The following ZBTB8B variants were observed in gnomAD, a reference collection of about 807,000 sequenced individuals.
ZBTB8B encodes the protein zinc finger and BTB domain-containing protein 8B.
A neutral mutation model predicts 30.3 loss-of-function variants in ZBTB8B; 17 were observed. That is an observed-to-expected ratio of 0.56 (90% CI 0.38 to 0.84). The LOEUF is 0.84. ZBTB8B is among the 40% of genes least tolerant of loss of function. ZBTB8B has a pLI of 0.00. For synonymous variants in ZBTB8B, 248 were observed against 255.6 expected, an observed-to-expected ratio of 0.97 and a Z score of 0.28; for missense variants, 515 against 644.9, an observed-to-expected ratio of 0.80 and a Z score of 2.18.
chr1:32,467,394 G>A (rs1311580414), intron 1 of ZBTB8B, among the ~76,000 whole-genome samples: 2 of 151,882 alleles, frequency 1.3e-5, no homozygotes, highest in Non-Finnish European at 2.9e-5. Flanking sequence ...TGGGATTACA[G>A]GTGCCCGCCA....
At chr1:32,476,480 C>T (rs1341020491) in intron 2 of ZBTB8B, among the ~76,000 whole-genome samples, 1 of 152,128 alleles carries the variant, frequency 6.6e-6, no homozygotes, top group Non-Finnish European at 1.5e-5. Context: ...ACTGCCTTAG[C>T]TCCTGTCATC....
chr1:32,475,218 G>A (rs527681157), intron 2 of ZBTB8B, among the ~76,000 whole-genome samples: 4 of 152,350 alleles, frequency 2.6e-5, no homozygotes, highest in Admixed American at 2.6e-4. Context: ...TACCTTTTGT[G>A]TGAAGGCATA....
intron 1 of ZBTB8B, among the ~76,000 whole-genome samples, chr1:32,466,555 G>T (rs1643571969): frequency 6.6e-6 from 1 of 152,054 alleles, no homozygotes; most frequent in Admixed American, 6.6e-5. Flanking sequence ...GCAAATGGGG[G>T]TGATATAAAT....
chr1:32,491,632 T>C lies in ZBTB8B; in HGVS notation c.*6214T>C, dbSNP rs190168715. 1.3e-5 allele frequency: 2 copies of C among 152,364 alleles called. No individual in the cohort carries two copies. The highest frequency in any genetic ancestry group is 4.8e-5 in the African/African-American group (2 of 41,572). 9.4% of individuals were successfully genotyped at this position (152,364 alleles called of 1,614,324 possible). A position where few individuals can be genotyped will look rare whatever the true frequency, so the allele number is the denominator to read the frequency against. ...CTTGTCCCACAGGAACAAGTATCTC[T>C]TATAACAGCTTCATAGACATGGCCT... On this transcript the variant is annotated 3_prime_UTR_variant, in exon 4 of 4. Coordinates refer to ENST00000609129, the MANE Select transcript of ZBTB8B (RefSeq NM_001145720.2).
chr1:32,488,918 T>C lies in ZBTB8B; in HGVS notation c.*3500T>C, dbSNP rs1004348946. 42 of 152,338 alleles carry C rather than the reference T, an allele frequency of 2.8e-4. No individual in the cohort carries two copies. Among genetic ancestry groups the C allele is most frequent in the Admixed American group, 2.5e-3 (38 of 15,290 alleles). 9.4% of individuals were successfully genotyped at this position (152,338 alleles called of 1,614,324 possible). ...TTCAAGAGATTCTTCTGTCTCAGCC[T>C]CTTGAGTAGTTGGGATTATAGGCAC... On this transcript the variant is annotated 3_prime_UTR_variant, in exon 4 of 4. Coordinates refer to ENST00000609129, the MANE Select transcript of ZBTB8B (RefSeq NM_001145720.2).
rs1297038679 is a variant in ZBTB8B at position 32,465,546 on chromosome 1, G to A, written c.-42+441G>A. ...GGTTCTGGTGGCCTCTCTGCAGGTC[G>A]TCTGATGCTGGACGGGGGAGGGTCT... is the stretch of plus-strand genomic sequence containing the variant. On this transcript the variant is annotated intron_variant, in intron 1 of 3. Coordinates refer to ENST00000609129, the MANE Select transcript of ZBTB8B (RefSeq NM_001145720.2). This position sits in a 1 kb window ranked among gnomAD's most constrained non-coding sequence, Gnocchi z 4.1. Among the ~76,000 whole-genome samples, 3 of 152,248 alleles carry A rather than the reference G, an allele frequency of 2.0e-5. No individual in the cohort carries two copies. Among genetic ancestry groups the A allele is most frequent in the African/African-American group, 4.8e-5 (2 of 41,474 alleles).
intron 1 of ZBTB8B, among the ~76,000 whole-genome samples, chr1:32,468,930 T>C (rs1164548593): frequency 4.0e-5 from 6 of 151,644 alleles, no homozygotes; most frequent in Non-Finnish European, 8.8e-5. Flanking sequence ...TGGCTTATGC[T>C]TGTAATCTCA....
chr1:32,478,839 T>G (rs950499946), intron 2 of ZBTB8B, among the ~76,000 whole-genome samples: 2 of 150,974 alleles, frequency 1.3e-5, no homozygotes, highest in African/African-American at 4.8e-5. Context: ...GAGAAAAGAG[T>G]TACTCCAGTG....
Position 32,481,029 on chromosome 1 carries a change from G to C in ZBTB8B, c.1130G>C (p.Arg377Thr). 6.4e-7 allele frequency: 1 copy of C among 1,552,062 alleles called. No homozygotes were observed. The highest frequency in any genetic ancestry group is 8.7e-7 in the Non-Finnish European group (1 of 1,147,116). The change falls in exon 3 of 4, where the codon AGG (arginine) becomes ACG (threonine). Residue 377 changes from arginine to threonine, a missense_variant. Coordinates refer to ENST00000609129, the MANE Select transcript of ZBTB8B (RefSeq NM_001145720.2). ...TACCCCTGTGAGACCTGCGGCAAGA[G>C]GTTCACTCGACAAGAGCACCTGCGG... ...RPYPCETCGK[R>T]FTRQEHLRSH...
chr1:32,474,068 C>T (rs947539993), intron 2 of ZBTB8B, among the ~76,000 whole-genome samples: 2 of 151,764 alleles, frequency 1.3e-5, no homozygotes, highest in Non-Finnish European at 2.9e-5. Context: ...CCAGGCTGGA[C>T]TCGAACTACT....
chr1:32,470,970 A>G lies in ZBTB8B; in HGVS notation c.346A>G (p.Thr116Ala). 1.3e-6 allele frequency: 2 copies of G among 1,552,288 alleles called. No homozygotes were observed. The highest frequency in any genetic ancestry group is 1.7e-6 in the Non-Finnish European group (2 of 1,147,126). ...GAATGACGTGGTGAACTTCTGCAAG[A>G]CATACATTAGGTCATCCCTCGACAT... is the stretch of plus-strand genomic sequence containing the variant. ...QMNDVVNFCK[T>A]YIRSSLDICR... is the part of the protein sequence containing the mutation. The change falls in exon 2 of 4, where the codon ACA (threonine) becomes GCA (alanine). Residue 116 changes from threonine to alanine, a missense_variant. By Grantham distance (58) the Thr-to-Ala change is moderately conservative. Coordinates refer to ENST00000609129, the MANE Select transcript of ZBTB8B (RefSeq NM_001145720.2).
chr1:32,471,511 C>A lies in ZBTB8B; in HGVS notation c.887C>A (p.Ala296Glu), dbSNP rs1409178045. 2.6e-6 allele frequency: 4 copies of A among 1,551,822 alleles called. No individual in the cohort carries two copies. The East Asian group carries it at 9.8e-5, about 38-fold the overall frequency. ...AGCGCTGCCCCGAGCAAGGATGATG[C>A]AGACCATCACTTTTCTAGGAGTTTG... Reference protein sequence around the residue: ...RNSAAPSKDDADHHFSRSLEG... With the variant: ...RNSAAPSKDDEDHHFSRSLEG... Residue 296 changes from alanine to glutamate, a missense_variant, in exon 2 of 4, where the codon GCA becomes GAA. Ala to Glu is a moderately radical substitution (Grantham distance 107). Around this residue, in one of 3 missense-constraint regions of ZBTB8B, gnomAD observed 429 missense variants for 504.3 expected, o/e 0.85. Coordinates refer to ENST00000609129, the MANE Select transcript of ZBTB8B (RefSeq NM_001145720.2).
At chr1:32,483,242 TC>T (rs1643719834) in intron 3 of ZBTB8B, among the ~76,000 whole-genome samples, 1 of 33,102 alleles carries the variant, frequency 3.0e-5, no homozygotes, top group African/African-American at 1.3e-4. Context: ...CTACTAAAAA[TC>T]CAAAAAAAAA....
chr1:32,483,931 A>C (rs1325755528), intron 3 of ZBTB8B, among the ~76,000 whole-genome samples: 2 of 151,800 alleles, frequency 1.3e-5, no homozygotes, highest in Admixed American at 6.6e-5. Context: ...CTGGCCAACT[A>C]TGGTGGCTCA....
At chr1:32,466,336 TG>T (rs754989166) in intron 1 of ZBTB8B, among the ~76,000 whole-genome samples, 1 of 152,170 alleles carries the variant, frequency 6.6e-6, no homozygotes, top group Non-Finnish European at 1.5e-5. Flanking sequence ...GCACTATACT[TG>T]GTTCATTTTT....
rs140028395 is a variant in ZBTB8B at position 32,472,605 on chromosome 1, TTTGATTGA to T, written c.991+1011_991+1018del. Among the ~76,000 whole-genome samples, 21 of 151,860 alleles carry T rather than the reference TTTGATTGA, an allele frequency of 1.4e-4. No homozygotes were observed. The East Asian group carries it at 3.3e-3, about 24-fold the overall frequency. On this transcript the variant is annotated intron_variant, in intron 2 of 3. Transcript: ENST00000609129. ...TGATGATGCCATCTACTTGAGACTATTTGATTGATTGATTGATTGATTGATTGAGACAG... is the reference window on the plus strand; with the variant it reads ...TGATGATGCCATCTACTTGAGACTATTTGATTGATTGATTGATTGAGACAG...
At chr1:32,474,476 G>A (rs1284714521) in intron 2 of ZBTB8B, among the ~76,000 whole-genome samples, 2 of 151,078 alleles carry the variant, frequency 1.3e-5, no homozygotes, top group Admixed American at 1.3e-4. Flanking sequence ...GGAGGTCGAG[G>A]CTGCGGTGAG....
chr1:32,467,113 T>G (rs954713706), intron 1 of ZBTB8B, among the ~76,000 whole-genome samples: 6 of 152,088 alleles, frequency 3.9e-5, no homozygotes, highest in African/African-American at 1.4e-4. Context: ...ACTGTGATCA[T>G]GGACTGCACT....
intron 1 of ZBTB8B, among the ~76,000 whole-genome samples, chr1:32,469,880 C>A (rs1488165269): frequency 2.0e-5 from 3 of 152,042 alleles, no homozygotes; most frequent in Non-Finnish European, 4.4e-5. Context: ...AGATCCAAAG[C>A]AGACCATATT....
Sources: gnomAD v4.1 joint callset for allele counts (sites outside exome capture counted in the v4.1 genomes callset) on GRCh38, gnomAD v4.1.1 for gene constraint, gnomAD v4.1.1 regional missense constraint, Gnocchi (gnomAD v3.1) non-coding constraint, MANE v1.5 for transcripts, NCBI Gene and HGNC (gene_info 2026-07-23, HGNC 2026-07-21) for gene names.